The following ZC3H11A variants were observed in gnomAD, a reference collection of about 807,000 sequenced individuals.
ZC3H11A encodes zinc finger CCCH-type containing 11A.
Under a neutral mutation model 90.8 loss-of-function variants are expected in ZC3H11A, and 22 were observed. The observed-to-expected ratio is 0.24, with a 90% CI of 0.17 to 0.35. The LOEUF (loss-of-function observed/expected upper bound fraction) is 0.35, where lower values mean the gene tolerates loss of function less well. ZC3H11A is among the 10% of genes least tolerant of loss of function. The probability of loss-of-function intolerance (pLI) is 1.00; values close to 1 mark genes in which losing one functional copy is unlikely to be tolerated. For synonymous variants in ZC3H11A, 294 were observed against 339.8 expected, an observed-to-expected ratio of 0.87 and a Z score of 1.48; for missense variants, 701 against 964.9, an observed-to-expected ratio of 0.73 and a Z score of 3.62.
rs374817629 is a variant in ZC3H11A, at chr1:203,849,918, C to A, written c.1831C>A (p.Arg611=). ...AGGAATCACACGGCACCTGACCAAG[C>A]GGCTTCCCACAAAGTCATCCCAGAA... is the stretch of plus-strand genomic sequence containing the variant. ...VPGITRHLTK[R]LPTKSSQKVE... is the part of the protein sequence containing the mutation. The change falls in exon 15 of 18, where the codon CGG becomes AGG. Residue 611 remains arginine, a synonymous_variant. Coordinates refer to ENST00000367210, the MANE Select transcript of ZC3H11A (RefSeq NM_001376342.1). The A allele has an allele frequency of 1.1e-5, 17 of 1,614,064 alleles. No individual in the cohort carries two copies. In the South Asian group the frequency reaches 1.5e-4, roughly 15 times the overall value.
chr1:203,830,704 G>C (rs895407842), intron 8 of ZC3H11A, among the ~76,000 whole-genome samples: 3 of 151,986 alleles, frequency 2.0e-5, no homozygotes, highest in Non-Finnish European at 4.4e-5. Flanking sequence ...AGCTACTCGG[G>C]AGGCTGAGGC....
chr1:203,819,529 A>ATT (rs755259647), intron 4 of ZC3H11A, among the ~76,000 whole-genome samples: 5 of 72,878 alleles, frequency 6.9e-5, no homozygotes, highest in East Asian at 3.6e-4. Context: ...GCTGACTCCA[A>ATT]TTTTTTTTTT....
chr1:203,851,469 A>T (rs1463361286), intron 17 of ZC3H11A, among the ~76,000 whole-genome samples: 1 of 152,136 alleles, frequency 6.6e-6, no homozygotes, highest in Non-Finnish European at 1.5e-5. Flanking sequence ...AGCTGGGATT[A>T]CAGGTGCCTG....
Position 203,837,945 on chromosome 1 carries a change from C to T in ZC3H11A, c.875-21C>T, listed in dbSNP as rs780214362. On this transcript the variant is annotated intron_variant, in intron 10 of 17. Transcript: ENST00000367210. The stretch of plus-strand genomic sequence containing the variant: ...CTGAAGATTGACTTGAAATCTTAAA[C>T]TAAGTTCTCCCTCTTTATAGGCGGT... 6 of 1,598,658 alleles carry T rather than the reference C, an allele frequency of 3.8e-6. No homozygotes were observed. The South Asian group carries it at 6.8e-5, about 18-fold the overall frequency.
chr1:203,796,613 T>C, intron 1 of ZC3H11A: 1 of 396,232 alleles, frequency 2.5e-6, no homozygotes, highest in Non-Finnish European at 4.4e-6. Context: ...TAAATGTATG[T>C]AGGTATTGGG....
At chr1:203,805,071 T>C (rs905774262) in intron 2 of ZC3H11A, among the ~76,000 whole-genome samples, 1 of 152,110 alleles carries the variant, frequency 6.6e-6, no homozygotes, top group African/African-American at 2.4e-5. Flanking sequence ...TCAAGAAATA[T>C]TCATTATTGA....
chr1:203,821,030 G>C (rs572258554), intron 4 of ZC3H11A, among the ~76,000 whole-genome samples: 2 of 152,150 alleles, frequency 1.3e-5, no homozygotes, highest in South Asian at 2.1e-4. Context: ...GTTTGGCTCT[G>C]TATCCTCACC....
rs922547225 is a variant in ZC3H11A at position 203,802,635 on chromosome 1, T to A, written c.-527T>A. On this transcript the variant is annotated 5_prime_UTR_variant, in exon 2 of 18. Transcript: ENST00000367210. ...AACTGATGTTTTTTTGTTTTTTTTT[T>A]AAATTATATTGTTCAGCTATGGAAG... 7.9e-5 allele frequency: 12 copies of A among 152,406 alleles called. No homozygotes were observed. The highest frequency in any genetic ancestry group is 2.1e-4 in the South Asian group (1 of 4,826). 9.4% of individuals were successfully genotyped at this position (152,406 alleles called of 1,614,324 possible). A position where few individuals can be genotyped will look rare whatever the true frequency, so the allele number is the denominator to read the frequency against.
intron 8 of ZC3H11A, 118 bp downstream of exon 8, chr1:203,830,321 A>G: frequency 1.3e-6 from 1 of 781,662 alleles, no homozygotes; most frequent in Non-Finnish European, 2.1e-6. Context: ...GGCCTGTTTG[A>G]AGTAAAACAC....
chr1:203,799,809 C>T (rs1438665533), intron 1 of ZC3H11A: 4 of 1,362,672 alleles, frequency 2.9e-6, no homozygotes, highest in Non-Finnish European at 4.0e-6. Flanking sequence ...TAAATCCAAG[C>T]CCTGTATCTT....
chr1:203,815,137 A>G (rs1675823897), intron 2 of ZC3H11A, among the ~76,000 whole-genome samples: 1 of 150,722 alleles, frequency 6.6e-6, no homozygotes, highest in African/African-American at 2.4e-5. Flanking sequence ...GCCATATATC[A>G]TAATTTTTAA....
intron 12 of ZC3H11A, among the ~76,000 whole-genome samples, chr1:203,845,778 C>T (rs1687715373): frequency 6.6e-6 from 1 of 152,070 alleles, no homozygotes; most frequent in Non-Finnish European, 1.5e-5. Context: ...GGCAGAGAAT[C>T]ACTTGAACCC....
At chr1:203,815,581 T>C (rs1676102315) in intron 2 of ZC3H11A, among the ~76,000 whole-genome samples, 1 of 152,128 alleles carries the variant, frequency 6.6e-6, no homozygotes, top group Admixed American at 6.6e-5. Flanking sequence ...TTAATACTTT[T>C]ACATATTATA....
intron 2 of ZC3H11A, among the ~76,000 whole-genome samples, chr1:203,808,265 T>G (rs1035190531): frequency 2.0e-5 from 3 of 152,198 alleles, no homozygotes; most frequent in Non-Finnish European, 4.4e-5. Flanking sequence ...ATGAATAGCA[T>G]TTTGTCTTTT....
Position 203,847,565 on chromosome 1 carries a change from A to G in ZC3H11A, c.1424A>G (p.Glu475Gly). 6.2e-7 allele frequency: 1 copy of G among 1,613,922 alleles called. No homozygotes were observed. The highest frequency in any genetic ancestry group is 8.5e-7 in the Non-Finnish European group (1 of 1,179,892). ...CAGGAGGTGCACATCAAGACGCTGG[A>G]AGAAATTAAACTGGAGAAGGCACTG... The part of the protein sequence containing the change: ...SMQEVHIKTL[E>G]EIKLEKALRV... The change falls in exon 13 of 18, where the codon GAA (glutamate) becomes GGA (glycine). Residue 475 changes from glutamate to glycine, a missense_variant. Physicochemically the swap from Glu to Gly is moderately conservative, Grantham distance 98. Transcript: ENST00000367210.
At chr1:203,815,630 C>T (rs1318561963) in intron 2 of ZC3H11A, among the ~76,000 whole-genome samples, 2 of 152,108 alleles carry the variant, frequency 1.3e-5, no homozygotes, top group Non-Finnish European at 2.9e-5. Flanking sequence ...GGTATGTAAA[C>T]TTTAAACATT....
In ZC3H11A at chr1:203,829,738, C is replaced by T. The variant is rs758820696; in HGVS notation, c.503-42C>T. On this transcript the variant is annotated intron_variant, in intron 6 of 17. Coordinates refer to ENST00000367210, the MANE Select transcript of ZC3H11A (RefSeq NM_001376342.1). ...GCAGAATCAGGATTAAAGCTATAGG[C>T]GTATTTTTAATTGTGAATTTGCCTT... The T allele has an allele frequency of 4.5e-5, 73 of 1,610,224 alleles. No homozygotes were observed. The South Asian group carries it at 6.0e-4, about 13-fold the overall frequency.
intron 4 of ZC3H11A, among the ~76,000 whole-genome samples, chr1:203,825,076 C>CA (rs61108073): frequency 0.83 from 90,368 of 108,892 alleles, 37,151 homozygotes; most frequent in East Asian, 0.92. Context: ...GACTCCGTCT[C>CA]AAAAAAAAAA....
At chr1:203,800,067 G>A (rs1343356182) in intron 1 of ZC3H11A, 2 of 1,535,978 alleles carry the variant, frequency 1.3e-6, no homozygotes, top group Non-Finnish European at 1.7e-6. Flanking sequence ...CTCAGCTGTA[G>A]ACAATGTTGC....
Sources: gnomAD v4.1 joint callset for allele counts (sites outside exome capture counted in the v4.1 genomes callset) on GRCh38, gnomAD v4.1.1 for gene constraint, MANE v1.5 for transcripts, NCBI Gene and HGNC (gene_info 2026-07-23, HGNC 2026-07-21) for gene names.